DDX21: variants seen among roughly 807,000 people sequenced by gnomAD.
The protein encoded by DDX21 is DExD-box helicase 21.
Under a neutral mutation model 90.0 loss-of-function variants are expected in DDX21, and 18 were observed. The observed-to-expected ratio is 0.20, with a 90% CI of 0.14 to 0.30. The LOEUF (loss-of-function observed/expected upper bound fraction) is 0.30. Among genes scored for constraint, DDX21 ranks in the 10% least tolerant of loss-of-function variants. The pLI is 1.00. For synonymous variants in DDX21, 294 were observed against 318.0 expected (o/e 0.92, Z 0.80); for missense variants, 673 against 944.5 (o/e 0.71, Z 3.77).
At position 68,983,676 on chromosome 10, in the gene DDX21, A is replaced by T. The variant is rs905840722; in HGVS notation, c.*864A>T. On this transcript the variant is annotated 3_prime_UTR_variant, in exon 15 of 15. Coordinates refer to ENST00000354185, the MANE Select transcript of DDX21 (RefSeq NM_004728.4). ...GGACTTAAGGGAGTAGGGGGCGCAG[A>T]TTAGCATTGCTCAAGAGTATGTAAA... 1 of 141,154 alleles carries T rather than the reference A, an allele frequency of 7.1e-6. No homozygotes were observed. Among genetic ancestry groups the T allele is most frequent in the Non-Finnish European group, 1.5e-5 (1 of 65,986 alleles). 8.7% of individuals were successfully genotyped at this position (141,154 alleles called of 1,614,324 possible). A position where few individuals can be genotyped will look rare whatever the true frequency, so the allele number is the denominator to read the frequency against.
chr10:68,974,005 T>A (rs908093296), intron 10 of DDX21, among the ~76,000 whole-genome samples: 1 of 152,198 alleles, frequency 6.6e-6, no homozygotes. Context: ...GACTAATTTT[T>A]CCTCCAGGAG....
Position 68,974,678 on chromosome 10 carries a change from G to A in DDX21, c.1677G>A (p.Lys559=). ...LVQVEQKAGI[K]FKRIGVPSAT... ...GGTTCATTTTCCTGTAGGGAATTAA[G>A]TTCAAACGAATAGGTGTTCCTTCTG... The change falls in exon 11 of 15, where the codon AAG becomes AAA. Residue 559 remains lysine, a synonymous_variant. Coordinates refer to ENST00000354185, the MANE Select transcript of DDX21 (RefSeq NM_004728.4). 1 of 1,613,934 alleles carries A rather than the reference G, an allele frequency of 6.2e-7. No homozygotes were observed. Among genetic ancestry groups the A allele is most frequent in the Non-Finnish European group, 8.5e-7 (1 of 1,179,912 alleles).
rs1213671359 is a variant in DDX21 at position 68,960,059 on chromosome 10, T to C, written c.341T>C (p.Val114Ala). 5.6e-6 allele frequency: 9 copies of C among 1,603,386 alleles called. No individual in the cohort carries two copies. The highest frequency in any genetic ancestry group is 7.6e-6 in the Non-Finnish European group (9 of 1,177,686). The change falls in exon 2 of 15, where the codon GTG becomes GCG. Residue 114 changes from valine (V) to alanine (A), a missense_variant. Val to Ala is a moderately conservative substitution (Grantham distance 64). This residue lies in a region of DDX21 where 204 missense variants were observed against 221.6 expected (regional missense o/e 0.92). Transcript: ENST00000354185. The stretch of plus-strand genomic sequence containing the variant: ...GTGGTTTCTTCTAAAACCAAAAAAG[T>C]GACAAAAAATGAGGAGCCTTCTGAG... ...KKVVSSKTKK[V>A]TKNEEPSEEE... is the part of the protein sequence containing the mutation.
At chr10:68,957,088 A>G (rs1456299661) in intron 1 of DDX21, among the ~76,000 whole-genome samples, 1 of 151,152 alleles carries the variant, frequency 6.6e-6, no homozygotes, top group East Asian at 1.9e-4. Context: ...TAGACTGGAG[A>G]GGTCTTAACT....
At position 68,970,244 on chromosome 10, in the gene DDX21, T is replaced by C. The variant is rs1275094398; in HGVS notation, c.1280T>C (p.Ile427Thr). 3.1e-6 allele frequency: 5 copies of C among 1,613,908 alleles called. No homozygotes were observed. The highest frequency in any genetic ancestry group is 2.2e-5 in the East Asian group (1 of 44,868). The change falls in exon 8 of 15, where the codon ATT becomes ACT. Residue 427 changes from isoleucine (I) to threonine (T), a missense_variant. Around this residue, in one of 4 missense-constraint regions of DDX21, gnomAD observed 218 missense variants for 347.3 expected, o/e 0.63. Transcript: ENST00000354185. ...KCHWTQRAAV[I>T]GDVIRVYSGH... ...CACTGGACTCAGAGGGCAGCAGTTA[T>C]TGGGGATGTCATCCGAGTATATAGT...
rs185028330 is a variant in DDX21 at position 68,970,547 on chromosome 10, T to C, written c.1386+197T>C. 4.2e-4 allele frequency among the ~76,000 whole-genome samples: 64 copies of C among 151,246 alleles called. 1 individual carries two copies. In the Admixed American group the frequency reaches 4.2e-3, roughly 10 times the overall value. On this transcript the variant is annotated intron_variant, in intron 8 of 14. Coordinates refer to ENST00000354185, the MANE Select transcript of DDX21 (RefSeq NM_004728.4). ...TTCTGTTACCCAGGCTGGAGTGCAG[T>C]GGTGTGATCTGGGCTCTCTGCCTCC...
chr10:68,981,534 T>A lies in DDX21; in HGVS notation c.2038-3T>A. The A allele has an allele frequency of 6.2e-7, 1 of 1,613,210 alleles. No homozygotes were observed. Among genetic ancestry groups the A allele is most frequent in the South Asian group, 1.1e-5 (1 of 90,874 alleles). ...ATTAACTTCCATTTGCTTTGATTTC[T>A]AGGGTGTTTGCTTTGATGTACCTAC... On this transcript the variant is annotated splice_polypyrimidine_tract_variant and splice_region_variant and intron_variant, in intron 13 of 14. Transcript: ENST00000354185.
rs781725625 is a variant in DDX21, at chr10:68,977,492, C to G, written c.1743-37C>G. 3.2e-6 allele frequency: 5 copies of G among 1,548,398 alleles called. No homozygotes were observed. The East Asian group carries it at 6.8e-5, about 21-fold the overall frequency. Reference sequence around the variant, plus strand: ...TCTTAGAAATGAAATGTGTCCACTTCTAGTATCCTTTCTCCTAACACACTC... The same window carrying G: ...TCTTAGAAATGAAATGTGTCCACTTGTAGTATCCTTTCTCCTAACACACTC... On this transcript the variant is annotated intron_variant, in intron 11 of 14. Transcript: ENST00000354185.
intron 13 of DDX21, among the ~76,000 whole-genome samples, chr10:68,979,942 A>G (rs1261326305): frequency 6.6e-6 from 1 of 152,070 alleles, no homozygotes; most frequent in African/African-American, 2.4e-5. Flanking sequence ...TGAACCTACT[A>G]TTTATAGTAA....
Position 68,960,149 on chromosome 10 carries a change from G to A in DDX21, c.431G>A (p.Arg144Lys). The change falls in exon 2 of 15, where the codon AGA becomes AAA. Residue 144 changes from arginine (R) to lysine (K), a missense_variant. By Grantham distance (26) the Arg-to-Lys change is conservative. Transcript: ENST00000354185. ...KKEKEMNGETREKSPKLKNGF... is the reference protein window; with the variant it reads ...KKEKEMNGETKEKSPKLKNGF... ...GAAAAGGAAATGAATGGAGAAACTA[G>A]AGAGAAAAGCCCCAAACTGAAGAAT... 6.2e-6 allele frequency: 10 copies of A among 1,614,158 alleles called. No individual in the cohort carries two copies. Among genetic ancestry groups the A allele is most frequent in the Non-Finnish European group, 8.5e-6 (10 of 1,180,024 alleles).
rs1194492671 is a variant in DDX21 at position 68,983,983 on chromosome 10, C to T, written c.*1171C>T. 6.6e-6 allele frequency: 1 copy of T among 152,082 alleles called. No individual in the cohort carries two copies. Among genetic ancestry groups the T allele is most frequent in the Non-Finnish European group, 1.5e-5 (1 of 68,010 alleles). 9.4% of individuals were successfully genotyped at this position (152,082 alleles called of 1,614,324 possible). ...TTTGTTTTAGCTGCTTGGAGGCTTC[C>T]TTTTAAGACAAACTGTATGTGATTA... On this transcript the variant is annotated 3_prime_UTR_variant, in exon 15 of 15. Transcript: ENST00000354185.
chr10:68,967,224 G>T (rs1261234390), intron 6 of DDX21, 21 bp downstream of exon 6: 2 of 1,599,068 alleles, frequency 1.3e-6, no homozygotes, highest in Non-Finnish European at 1.7e-6. Context: ...AATTCAAGAA[G>T]CTGATAAAAA....
rs572318318 is a variant in DDX21, at chr10:68,984,345, A to T, written c.*1533A>T. On this transcript the variant is annotated 3_prime_UTR_variant, in exon 15 of 15. Coordinates refer to ENST00000354185, the MANE Select transcript of DDX21 (RefSeq NM_004728.4). ...TACTAGGAGCTCTGATAGCCAGCTC[A>T]GCTCCTAATCCTTGAGGCAACATTC... is the stretch of plus-strand genomic sequence containing the variant. 6.6e-6 allele frequency: 1 copy of T among 152,216 alleles called. No homozygotes were observed. The highest frequency in any genetic ancestry group is 1.9e-4 in the East Asian group (1 of 5,202). 9.4% of individuals were successfully genotyped at this position (152,216 alleles called of 1,614,324 possible). A position where few individuals can be genotyped will look rare whatever the true frequency, so the allele number is the denominator to read the frequency against.
At chr10:68,974,822 A>C in intron 11 of DDX21, 79 bp downstream of exon 11, 1 of 1,363,496 alleles carries the variant, frequency 7.3e-7, no homozygotes, top group Admixed American at 2.4e-5. Flanking sequence ...ATAAGATTTG[A>C]CTTAAAAAAA....
Position 68,967,921 on chromosome 10 carries a change from G to T in DDX21, c.1090+718G>T, listed in dbSNP as rs189691991. Among the ~76,000 whole-genome samples, 279 of 151,812 alleles carry T rather than the reference G, an allele frequency of 1.8e-3. 3 individuals are homozygous for T. Among genetic ancestry groups the T allele is most frequent in the African/African-American group, 6.2e-3 (258 of 41,392 alleles). ...TTTTTGTTTTTTTTTTTGAGACAGG[G>T]TCTAAATCTGTCACCCAGGCTGGAG... On this transcript the variant is annotated intron_variant, in intron 6 of 14. Coordinates refer to ENST00000354185, the MANE Select transcript of DDX21 (RefSeq NM_004728.4).
intron 11 of DDX21, among the ~76,000 whole-genome samples, chr10:68,977,065 C>G (rs541833120): frequency 4.6e-5 from 7 of 152,172 alleles, no homozygotes; most frequent in Middle Eastern, 3.4e-3. Flanking sequence ...CATGTGCCAC[C>G]ACACCCAGCT....
chr10:68,982,856 G>C lies in DDX21; in HGVS notation c.*44G>C. 6.2e-7 allele frequency: 1 copy of C among 1,605,882 alleles called. No homozygotes were observed. Among genetic ancestry groups the C allele is most frequent in the African/African-American group, 1.3e-5 (1 of 74,610 alleles). On this transcript the variant is annotated 3_prime_UTR_variant, in exon 15 of 15. Coordinates refer to ENST00000354185, the MANE Select transcript of DDX21 (RefSeq NM_004728.4). ...TATAGCAAAAAGAGAATGATGTTTGGCAATATAGAACTGAACATTATTTTT... is the reference window on the plus strand; with the variant it reads ...TATAGCAAAAAGAGAATGATGTTTGCCAATATAGAACTGAACATTATTTTT...
rs181433745 is a variant in DDX21, at chr10:68,963,494, C to G, written c.786+25C>G. On this transcript the variant is annotated intron_variant, in intron 4 of 14. Coordinates refer to ENST00000354185, the MANE Select transcript of DDX21 (RefSeq NM_004728.4). ...GGTAACTGTCTTAAATACAAGGGCT[C>G]TCAGTCAGCATAGGAAAAACCACCA... 5.0e-5 allele frequency: 80 copies of G among 1,584,194 alleles called. No homozygotes were observed. In the African/African-American group the frequency reaches 9.5e-4, roughly 19 times the overall value.
chr10:68,982,901 A>G lies in DDX21; in HGVS notation c.*89A>G, dbSNP rs1589290749. ...ATTTTTCATGCAAAGTTAAAAGCAC[A>G]TTGTGCCTCCTTTTGACCACTTGCC... is the stretch of plus-strand genomic sequence containing the variant. On this transcript the variant is annotated 3_prime_UTR_variant, in exon 15 of 15. Transcript: ENST00000354185. 4.6e-6 allele frequency: 7 copies of G among 1,515,228 alleles called. No homozygotes were observed. In the South Asian group the frequency reaches 5.2e-5, roughly 11 times the overall value. The allele number at this position is 1,515,228 out of a possible 1,614,324, so 93.9% of individuals were successfully genotyped here.
Sources: gnomAD v4.1 joint callset for allele counts (sites outside exome capture counted in the v4.1 genomes callset) on GRCh38, gnomAD v4.1.1 for gene constraint, gnomAD v4.1.1 regional missense constraint, MANE v1.5 for transcripts, NCBI Gene and HGNC (gene_info 2026-07-23, HGNC 2026-07-21) for gene names.